Variants in HERPUD2 observed in about 807,000 individuals in gnomAD.
The protein encoded by HERPUD2 is homocysteine-responsive endoplasmic reticulum-resident ubiquitin-like domain member 2 protein.
In HERPUD2, 13 loss-of-function variants were observed where a neutral mutation model predicts 49.9. The ratio of observed to expected loss-of-function variants is 0.26; its 90% confidence interval spans 0.17 to 0.41. HERPUD2 has a LOEUF of 0.41. HERPUD2 is among the 10% of genes least tolerant of loss of function. HERPUD2 has a pLI of 1.00. For synonymous variants in HERPUD2, 172 were observed against 171.4 expected, an observed-to-expected ratio of 1.00 and a Z score of -0.03; for missense variants, 449 against 492.2, an observed-to-expected ratio of 0.91 and a Z score of 0.83.
chr7:35,667,757 C>T lies in HERPUD2; in HGVS notation c.340-169G>A, dbSNP rs371264501. ...ATAAGTAGATATTTTAATTTTAGTA[C>T]GTCAAAACTTATCAAAACTGCTTAA... On this transcript the variant is annotated intron_variant, in intron 4 of 8. Transcript: ENST00000311350. 2.2e-4 allele frequency among the ~76,000 whole-genome samples: 34 copies of T among 152,120 alleles called. No individual in the cohort carries two copies. In the South Asian group the frequency reaches 5.8e-3, roughly 26 times the overall value.
intron 5 of HERPUD2, among the ~76,000 whole-genome samples, chr7:35,663,602 T>C (rs1785474593): frequency 1.3e-5 from 2 of 152,230 alleles, no homozygotes; most frequent in African/African-American, 2.4e-5. Context: ...TGGGTGCATA[T>C]ATATTTAAGA....
Position 35,633,667 on chromosome 7 carries a change from T to A in HERPUD2, c.*23A>T, listed in dbSNP as rs775227323. 1 of 1,606,278 alleles carries A rather than the reference T, an allele frequency of 6.2e-7. No individual in the cohort carries two copies. ...CACTTTCCTGAAGTCAGACCCTCCT[T>A]GTAGCTGGCACAGTTTTTCAGGTCA... On this transcript the variant is annotated 3_prime_UTR_variant, in exon 9 of 9. Transcript: ENST00000311350.
intron 2 of HERPUD2, among the ~76,000 whole-genome samples, chr7:35,688,626 A>C (rs1786115740): frequency 6.6e-6 from 1 of 152,254 alleles, no homozygotes; most frequent in Non-Finnish European, 1.5e-5. Flanking sequence ...CATTAAGCTA[A>C]GTGTTAGCAC....
At chr7:35,655,414 C>A (rs1352213694) in intron 5 of HERPUD2, among the ~76,000 whole-genome samples, 1 of 152,162 alleles carries the variant, frequency 6.6e-6, no homozygotes, top group Non-Finnish European at 1.5e-5. Flanking sequence ...AAGAATGATT[C>A]AATAGATGCA....
At chr7:35,667,325 A>C in intron 5 of HERPUD2, 109 bp downstream of exon 5, 1 of 1,003,870 alleles carries the variant, frequency 1.0e-6, no homozygotes, top group Admixed American at 2.3e-5. Flanking sequence ...ATATATGAAT[A>C]AATTTAAAAT....
At chr7:35,672,855 G>A (rs1031778467) in intron 3 of HERPUD2, among the ~76,000 whole-genome samples, 1 of 152,004 alleles carries the variant, frequency 6.6e-6, no homozygotes, top group Non-Finnish European at 1.5e-5. Context: ...CTGGCAAAAA[G>A]GAGATTAAGA....
chr7:35,634,309 T>A lies in HERPUD2; in HGVS notation c.1059+3A>T. ...TAAGTATACAAAAGCTTCAATCACA[T>A]ACCATTTCTTCAAGTTCCAAGTTGT... On this transcript the variant is annotated splice_donor_region_variant and intron_variant, in intron 8 of 8. Coordinates refer to ENST00000311350, the MANE Select transcript of HERPUD2 (RefSeq NM_022373.5). 6.3e-7 allele frequency: 1 copy of A among 1,581,266 alleles called. No individual in the cohort carries two copies. The highest frequency in any genetic ancestry group is 8.7e-7 in the Non-Finnish European group (1 of 1,150,154).
Position 35,695,094 on chromosome 7 carries a change from C to G in HERPUD2, c.-591G>C, listed in dbSNP as rs1167331141. On this transcript the variant is annotated 5_prime_UTR_variant, in exon 1 of 9. Transcript: ENST00000311350. The stretch of plus-strand genomic sequence containing the variant: ...ACTACAGGTAGCAGGAGGGCGGGGA[C>G]GAGAGCCGTTGCGCCACCGCTGGCG... 1 of 152,522 alleles carries G rather than the reference C, an allele frequency of 6.6e-6. No homozygotes were observed. The highest frequency in any genetic ancestry group is 1.5e-5 in the Non-Finnish European group (1 of 68,284). 9.4% of individuals were successfully genotyped at this position (152,522 alleles called of 1,614,324 possible). A position where few individuals can be genotyped will look rare whatever the true frequency, so the allele number is the denominator to read the frequency against.
intron 5 of HERPUD2, among the ~76,000 whole-genome samples, chr7:35,654,653 G>A (rs1018730577): frequency 8.3e-5 from 12 of 144,994 alleles, no homozygotes; most frequent in Admixed American, 1.4e-4. Flanking sequence ...GGATGGCTTC[G>A]CTGCCAAATT....
Position 35,638,444 on chromosome 7 carries a change from C to T in HERPUD2, c.523G>A (p.Ala175Thr), listed in dbSNP as rs781216293. ...GNVDNQFPGQ[A>T]APPGFPVYPA... is the part of the protein sequence containing the mutation. ...TACACTGGGAATCCAGGTGGAGCAGCTTGCCCAGGAAATTGGTTGTCTACA... is the reference window on the plus strand; with the variant it reads ...TACACTGGGAATCCAGGTGGAGCAGTTTGCCCAGGAAATTGGTTGTCTACA... The change falls in exon 6 of 9, where the codon GCT (alanine) becomes ACT (threonine). Residue 175 changes from alanine (A) to threonine (T), a missense_variant. Coordinates refer to ENST00000311350, the MANE Select transcript of HERPUD2 (RefSeq NM_022373.5). 1.1e-5 allele frequency: 18 copies of T among 1,613,344 alleles called. No individual in the cohort carries two copies. The highest frequency in any genetic ancestry group is 2.2e-5 in the East Asian group (1 of 44,880).
At chr7:35,681,314 A>G (rs1278328777) in intron 2 of HERPUD2, among the ~76,000 whole-genome samples, 1 of 152,186 alleles carries the variant, frequency 6.6e-6, no homozygotes, top group Non-Finnish European at 1.5e-5. Flanking sequence ...AAGCAAAAAC[A>G]AGTATGGGCA....
At chr7:35,635,540 T>C (rs1282267153) in intron 6 of HERPUD2, 82 bp from the exon 7 acceptor site, 2 of 1,172,250 alleles carry the variant, frequency 1.7e-6, no homozygotes, top group African/African-American at 1.6e-5. Flanking sequence ...TGGGGAGCTA[T>C]ATGTATTTTT....
intron 5 of HERPUD2, among the ~76,000 whole-genome samples, chr7:35,647,408 A>G (rs1035526030): frequency 2.6e-5 from 4 of 152,152 alleles, no homozygotes; most frequent in African/African-American, 9.7e-5. Flanking sequence ...TGCCTATCTG[A>G]CCTACTTTCA....
Position 35,655,613 on chromosome 7 carries a change from C to T in HERPUD2, c.494+11821G>A, listed in dbSNP as rs896695213. Among the ~76,000 whole-genome samples the T allele has an allele frequency of 3.3e-5, 5 of 152,260 alleles. No individual in the cohort carries two copies. The Middle Eastern group carries it at 0.01, about 311-fold the overall frequency. On this transcript the variant is annotated intron_variant, in intron 5 of 8. Transcript: ENST00000311350. ...TGAGTAAGTAAATCTGAAAGCCTTT[C>T]CTCTAAGAGCTGGAAAAAGACAAGG... is the stretch of plus-strand genomic sequence containing the variant.
chr7:35,658,723 T>C (rs1346024618), intron 5 of HERPUD2, among the ~76,000 whole-genome samples: 1 of 152,226 alleles, frequency 6.6e-6, no homozygotes, highest in Non-Finnish European at 1.5e-5. Context: ...CTGGGTGTTT[T>C]ATAAACCAGC....
rs775697443 is a variant in HERPUD2, at chr7:35,673,290, G to A, written c.148-12C>T. On this transcript the variant is annotated splice_polypyrimidine_tract_variant and intron_variant, in intron 2 of 8. Coordinates refer to ENST00000311350, the MANE Select transcript of HERPUD2 (RefSeq NM_022373.5). Reference sequence around the variant, plus strand: ...TGATCCTTCGTCAACTAAGAAATGGGACAAAGAAAAGAATTCAACTTTTCT... The same window carrying A: ...TGATCCTTCGTCAACTAAGAAATGGAACAAAGAAAAGAATTCAACTTTTCT... 6 of 1,595,902 alleles carry A rather than the reference G, an allele frequency of 3.8e-6. No individual in the cohort carries two copies. Among genetic ancestry groups the A allele is most frequent in the Middle Eastern group, 1.7e-4 (1 of 6,006 alleles).
chr7:35,665,011 G>C (rs57330029), intron 5 of HERPUD2, among the ~76,000 whole-genome samples: 1 of 152,168 alleles, frequency 6.6e-6, no homozygotes, highest in Admixed American at 6.5e-5. Context: ...GCCTTATGAA[G>C]TGCCAGTCGC....
intron 5 of HERPUD2, among the ~76,000 whole-genome samples, chr7:35,664,634 T>C (rs567948482): frequency 6.6e-6 from 1 of 152,356 alleles, no homozygotes; most frequent in East Asian, 1.9e-4. Context: ...CTTCATTTCA[T>C]TCATTTGATC....
chr7:35,693,182 T>C (rs73340360), intron 2 of HERPUD2, among the ~76,000 whole-genome samples: 3,853 of 152,292 alleles, frequency 0.025, 144 homozygotes, highest in African/African-American at 0.085. Context: ...TGTCTATATT[T>C]TATTTATTAT....
Sources: gnomAD v4.1 joint callset for allele counts (sites outside exome capture counted in the v4.1 genomes callset) on GRCh38, gnomAD v4.1.1 for gene constraint, MANE v1.5 for transcripts, NCBI Gene and HGNC (gene_info 2026-07-23, HGNC 2026-07-21) for gene names.